COL23A1: variants seen among roughly 807,000 people sequenced by gnomAD.
COL23A1 encodes collagen type XXIII alpha 1 chain.
In COL23A1, 97 loss-of-function variants were observed where a neutral mutation model predicts 99.3. The ratio of observed to expected loss-of-function variants is 0.98; its 90% confidence interval spans 0.83 to 1.16. The LOEUF (loss-of-function observed/expected upper bound fraction) is 1.16, where lower values mean the gene tolerates loss of function less well. COL23A1 is among the 50% of genes most tolerant of loss of function. The probability of loss-of-function intolerance (pLI) is 0.00; values close to 1 mark genes in which losing one functional copy is unlikely to be tolerated. For missense variants in COL23A1, 762 were observed against 757.4 expected, an observed-to-expected ratio of 1.01 and a Z score of -0.07; for synonymous variants, 320 against 308.2, an observed-to-expected ratio of 1.04 and a Z score of -0.40.
At position 178,584,800 on chromosome 5, in the gene COL23A1, G is replaced by A. The variant is rs537401635; in HGVS notation, c.294+5104C>T. ...AGTGGGTGCAGGTGCACTGTATGTG[G>A]TCTCTGGTAGACTGACTACCTTGGT... On this transcript the variant is annotated intron_variant, in intron 1 of 28. Coordinates refer to ENST00000390654, the MANE Select transcript of COL23A1 (RefSeq NM_173465.4). 2.6e-5 allele frequency among the ~76,000 whole-genome samples: 4 copies of A among 152,326 alleles called. No homozygotes were observed. The South Asian group carries it at 8.3e-4, about 32-fold the overall frequency.
chr5:178,299,079 T>A (rs1757897481), intron 3 of COL23A1, among the ~76,000 whole-genome samples: 1 of 152,258 alleles, frequency 6.6e-6, no homozygotes, highest in African/African-American at 2.4e-5. Flanking sequence ...AGGACTTTTA[T>A]GTCTGTGTTC....
At chr5:178,378,882 A>T (rs1387661341) in intron 2 of COL23A1, among the ~76,000 whole-genome samples, 3 of 152,212 alleles carry the variant, frequency 2.0e-5, no homozygotes, top group African/African-American at 4.8e-5. Flanking sequence ...CTGAGGCTCC[A>T]CACAGAGACC....
intron 2 of COL23A1, among the ~76,000 whole-genome samples, chr5:178,432,642 A>C (rs1766327135): frequency 6.6e-6 from 1 of 152,116 alleles, no homozygotes; most frequent in African/African-American, 2.4e-5. Context: ...TCACCCTCCA[A>C]CTGAAGAGAC....
rs570803192 is a variant in COL23A1 at position 178,321,480 on chromosome 5, CTTTTTTTTTT to C, written c.362-14571_362-14562del. ...ACCTGTGATGACGAGGTCACCTTCC[CTTTTTTTTTT>C]TTTTTTTTTTTTTTTTGGAGATGCA... On this transcript the variant is annotated intron_variant, in intron 2 of 28. Coordinates refer to ENST00000390654, the MANE Select transcript of COL23A1 (RefSeq NM_173465.4). Among the ~76,000 whole-genome samples, 5 of 109,026 alleles carry C rather than the reference CTTTTTTTTTT, an allele frequency of 4.6e-5. No individual in the cohort carries two copies. In the Middle Eastern group the frequency reaches 0.017, roughly 380 times the overall value. 71.5% of individuals were successfully genotyped at this position (109,026 alleles called of 152,430 possible).
rs376474477 is a variant in COL23A1, at chr5:178,250,073, G to A, written c.1047C>T (p.Ile349=). The change falls in exon 18 of 29, where the codon ATC becomes ATT. Residue 349 remains isoleucine, a synonymous_variant. Coordinates refer to ENST00000390654, the MANE Select transcript of COL23A1 (RefSeq NM_173465.4). ...AAGGCCCAGAGACCTTCTCTCCATC[G>A]ATTCCTGGGGCACCGGGCAATCCAA... ...GELGLPGAPG[I]DGEKGPKGQK... 16 of 1,613,950 alleles carry A rather than the reference G, an allele frequency of 9.9e-6. No homozygotes were observed. The South Asian group carries it at 1.1e-4, about 11-fold the overall frequency.
chr5:178,547,948 AC>A (rs1761778053), intron 2 of COL23A1, among the ~76,000 whole-genome samples: 3 of 44,718 alleles, frequency 6.7e-5, no homozygotes, highest in Admixed American at 5.4e-4. Context: ...CACCCCCCAC[AC>A]ACACCCACAC....
rs1406452514 is a variant in COL23A1, at chr5:178,384,892, G to A, written c.362-77973C>T. Among the ~76,000 whole-genome samples the A allele has an allele frequency of 2.6e-5, 4 of 152,186 alleles. No homozygotes were observed. The highest frequency in any genetic ancestry group is 4.1e-4 in the South Asian group (2 of 4,820). On this transcript the variant is annotated intron_variant, in intron 2 of 28. Transcript: ENST00000390654. This position sits in a 1 kb window ranked among gnomAD's most constrained non-coding sequence, Gnocchi z 5.5. ...GAAATAGCCTGCAAGGAGGAAGAGC[G>A]CGGTGAGAGGTCAAATGGGTGGCGA... is the stretch of plus-strand genomic sequence containing the variant.
intron 2 of COL23A1, among the ~76,000 whole-genome samples, chr5:178,467,594 T>C (rs1380715346): frequency 6.6e-6 from 1 of 152,186 alleles, no homozygotes; most frequent in Non-Finnish European, 1.5e-5. Context: ...TTGAAGGATG[T>C]GTGGAAATTC....
At chr5:178,560,809 GGTAAAA>G in intron 1 of COL23A1, 61 bp from the exon 2 acceptor site, 1 of 1,514,282 alleles carries the variant, frequency 6.6e-7, no homozygotes, top group Non-Finnish European at 9.0e-7. Flanking sequence ...AACAGAGAGG[GGTAAAA>G]GTGGAAACAT....
At chr5:178,292,075 C>T (rs1462928993) in intron 3 of COL23A1, among the ~76,000 whole-genome samples, 2 of 152,230 alleles carry the variant, frequency 1.3e-5, no homozygotes, top group East Asian at 3.9e-4. Context: ...TGTGCCTGTA[C>T]CTGTGCCTGG....
intron 2 of COL23A1, among the ~76,000 whole-genome samples, chr5:178,418,123 T>C (rs1042189785): frequency 6.6e-6 from 1 of 152,246 alleles, no homozygotes; most frequent in Non-Finnish European, 1.5e-5. Context: ...GGTTACTGTG[T>C]GATCTTGGAT....
chr5:178,354,913 T>C (rs193215604), intron 2 of COL23A1, among the ~76,000 whole-genome samples: 17 of 151,972 alleles, frequency 1.1e-4, no homozygotes, highest in South Asian at 2.1e-4. Flanking sequence ...AAAAAATTAG[T>C]TGGGCATGGT....
chr5:178,419,161 C>T (rs1303773418), intron 2 of COL23A1, among the ~76,000 whole-genome samples: 1 of 152,228 alleles, frequency 6.6e-6, no homozygotes, highest in Non-Finnish European at 1.5e-5. Flanking sequence ...TGTGGCCATG[C>T]CAAAGTTCAG....
chr5:178,291,553 C>A (rs1341309196), intron 3 of COL23A1, among the ~76,000 whole-genome samples: 1 of 152,164 alleles, frequency 6.6e-6, no homozygotes. Context: ...AAGGCTGCTG[C>A]AGCAGCGGGA....
chr5:178,514,263 C>T (rs1243650650), intron 2 of COL23A1, among the ~76,000 whole-genome samples: 1 of 152,228 alleles, frequency 6.6e-6, no homozygotes, highest in Non-Finnish European at 1.5e-5. Flanking sequence ...AAGGCTGACA[C>T]TATTCCATTG....
At chr5:178,524,780 C>T (rs632384) in intron 2 of COL23A1, among the ~76,000 whole-genome samples, 100,755 of 151,972 alleles carry the variant, frequency 0.66, 33,781 homozygotes, top group East Asian at 0.94. Context: ...CTGTCTAGAG[C>T]CCTAACAGGC....
At chr5:178,517,568 G>GTTGTTTTTTTTTT in intron 2 of COL23A1, among the ~76,000 whole-genome samples, 1 of 108,262 alleles carries the variant, frequency 9.2e-6, no homozygotes, top group African/African-American at 3.9e-5. Context: ...TTTTTTTTTT[G>GTTGTTTTTTTTTT]TTTTTTTTTT....
rs867495940 is a variant in COL23A1, at chr5:178,347,534, C to G, written c.362-40615G>C. Among the ~76,000 whole-genome samples the G allele has an allele frequency of 2.0e-5, 3 of 151,884 alleles. No individual in the cohort carries two copies. In the South Asian group the frequency reaches 6.2e-4, roughly 32 times the overall value. ...GCACAGTGTGTGAATACACTAAAAA[C>G]CACCGAGTCATACACTTTAAATGGT... On this transcript the variant is annotated intron_variant, in intron 2 of 28. Coordinates refer to ENST00000390654, the MANE Select transcript of COL23A1 (RefSeq NM_173465.4).
At chr5:178,355,726 A>G (rs1761608503) in intron 2 of COL23A1, among the ~76,000 whole-genome samples, 1 of 152,034 alleles carries the variant, frequency 6.6e-6, no homozygotes, top group African/African-American at 2.4e-5. Context: ...TCCTGACCTC[A>G]TGATCCGCCC....
Sources: gnomAD v4.1 joint callset for allele counts (sites outside exome capture counted in the v4.1 genomes callset) on GRCh38, gnomAD v4.1.1 for gene constraint, Gnocchi (gnomAD v3.1) non-coding constraint, MANE v1.5 for transcripts, NCBI Gene and HGNC (gene_info 2026-07-23, HGNC 2026-07-21) for gene names.